The following ITIH2 variants were observed in gnomAD, a reference collection of about 807,000 sequenced individuals.
The protein encoded by ITIH2 is inter-alpha-trypsin inhibitor heavy chain 2.
In ITIH2, 103 loss-of-function variants were observed where a neutral mutation model predicts 104.4. The ratio of observed to expected loss-of-function variants is 0.99; its 90% CI spans 0.84 to 1.16. The LOEUF is 1.16. Ranked by LOEUF, ITIH2 falls within the 50% of genes most tolerant of loss-of-function variation. ITIH2 has a pLI of 0.00. For missense variants in ITIH2, 1,108 were observed against 1,162.4 expected (o/e 0.95, Z 0.68); for synonymous variants, 436 against 435.4 (o/e 1.00, Z -0.02).
At chr10:7,745,897 G>GGT (rs1241307362) in intron 19 of ITIH2, among the ~76,000 whole-genome samples, 18 of 150,952 alleles carry the variant, frequency 1.2e-4, no homozygotes, top group Admixed American at 1.2e-3. Context: ...TGGGATTACA[G>GGT]GCATGCACCA....
chr10:7,710,920 C>CT (rs58634403), intron 4 of ITIH2, among the ~76,000 whole-genome samples: 2,228 of 145,682 alleles, frequency 0.015, 52 homozygotes, highest in African/African-American at 0.049. Flanking sequence ...TGTTTTCCTT[C>CT]TTTTTTTTTT....
At chr10:7,723,049 G>A (rs1368301277) in intron 8 of ITIH2, among the ~76,000 whole-genome samples, 1 of 151,434 alleles carries the variant, frequency 6.6e-6, no homozygotes, top group African/African-American at 2.4e-5. Context: ...GTGAAGTGAA[G>A]TGGCATGGAG....
At chr10:7,741,608 C>T (rs1372113031) in intron 16 of ITIH2, among the ~76,000 whole-genome samples, 3 of 152,188 alleles carry the variant, frequency 2.0e-5, no homozygotes, top group Non-Finnish European at 4.4e-5. Flanking sequence ...ACTGCTTTAG[C>T]CACTGCACAA....
rs372852827 is a variant in ITIH2, at chr10:7,737,735, T to A, written c.1958-886T>A. ...TTATATTCTATATAATATTCTATAT[T>A]ATATTCTATATAATATTCTATATTA... On this transcript the variant is annotated intron_variant, in intron 15 of 20. Transcript: ENST00000358415. Among the ~76,000 whole-genome samples, 22 of 28,760 alleles carry A rather than the reference T, an allele frequency of 7.6e-4. 1 individual carries two copies. The highest frequency in any genetic ancestry group is 2.9e-3 in the African/African-American group (12 of 4,110). 18.9% of individuals were successfully genotyped at this position (28,760 alleles called of 152,430 possible).
chr10:7,732,035 C>A, intron 13 of ITIH2, 39 bp downstream of exon 13: 1 of 1,480,872 alleles, frequency 6.8e-7, no homozygotes. Flanking sequence ...TACTAACTGA[C>A]CCCCTAGATA....
At chr10:7,724,028 A>T (rs1834930258) in intron 9 of ITIH2, among the ~76,000 whole-genome samples, 1 of 152,222 alleles carries the variant, frequency 6.6e-6, no homozygotes, top group African/African-American at 2.4e-5. Context: ...ATTTCTAATT[A>T]TATGGTAATT....
At position 7,732,473 on chromosome 10, in the gene ITIH2, GAAC is replaced by G. The variant is rs1172940647; in HGVS notation, c.1784_1786del (p.Glu595_Arg596delinsGly). On this transcript the variant is annotated inframe_deletion and splice_region_variant, in exon 14 of 21. Transcript: ENST00000358415. ...TCTAACCATCAACCAACTGCTAGCT[GAAC>G]GGTAAGAAGAGAAGAGTACCCACAC... 1 of 1,613,124 alleles carries G rather than the reference GAAC, an allele frequency of 6.2e-7. No individual in the cohort carries two copies. Among genetic ancestry groups the G allele is most frequent in the Non-Finnish European group, 8.5e-7 (1 of 1,179,396 alleles).
At chr10:7,708,561 G>A (rs1834767797) in intron 3 of ITIH2, among the ~76,000 whole-genome samples, 1 of 152,116 alleles carries the variant, frequency 6.6e-6, no homozygotes, top group Non-Finnish European at 1.5e-5. Flanking sequence ...GGGGTTGGTG[G>A]AGGCCATATG....
rs1234279003 is a variant in ITIH2 at position 7,727,948 on chromosome 10, C to A, written c.1279+120C>A. ...CTGAGTTTCTAGAACATTTTAAACCCATGCTTCCTAAAGGAGGTCTTCTGA... is the reference window on the plus strand; with the variant it reads ...CTGAGTTTCTAGAACATTTTAAACCAATGCTTCCTAAAGGAGGTCTTCTGA... On this transcript the variant is annotated intron_variant, in intron 11 of 20. Coordinates refer to ENST00000358415, the MANE Select transcript of ITIH2 (RefSeq NM_002216.3). The A allele has an allele frequency of 4.2e-5, 49 of 1,177,906 alleles. No homozygotes were observed. The Admixed American group carries it at 9.9e-4, about 24-fold the overall frequency. The allele number at this position is 1,177,906 out of a possible 1,614,324, so 73.0% of individuals were successfully genotyped here.
intron 20 of ITIH2, among the ~76,000 whole-genome samples, chr10:7,747,871 C>T (rs1298496707): frequency 6.6e-6 from 1 of 152,034 alleles, no homozygotes; most frequent in Non-Finnish European, 1.5e-5. Context: ...TGCACTCCAG[C>T]TTGGGTAACA....
chr10:7,747,399 A>G (rs1046962930), intron 20 of ITIH2, among the ~76,000 whole-genome samples: 2 of 152,302 alleles, frequency 1.3e-5, no homozygotes, highest in South Asian at 2.1e-4. Context: ...TTGTAACATA[A>G]AATTGTAGTC....
intron 16 of ITIH2, among the ~76,000 whole-genome samples, chr10:7,739,359 A>G (rs1835102595): frequency 6.6e-6 from 1 of 152,180 alleles, no homozygotes. Context: ...CAACATTCAA[A>G]GACAGAGCAC....
At chr10:7,720,545 T>G (rs1208027062) in intron 6 of ITIH2, among the ~76,000 whole-genome samples, 3 of 152,134 alleles carry the variant, frequency 2.0e-5, no homozygotes, top group Non-Finnish European at 4.4e-5. Flanking sequence ...AAGAAGGAAT[T>G]CTTTTTTTCC....
At chr10:7,743,604 C>G (rs1430017814) in intron 17 of ITIH2, among the ~76,000 whole-genome samples, 2 of 151,768 alleles carry the variant, frequency 1.3e-5, no homozygotes, top group Non-Finnish European at 2.9e-5. Flanking sequence ...TGAAACCCCA[C>G]CCCCCACTAC....
chr10:7,714,163 C>CTCTTTT (rs1564298974), intron 5 of ITIH2, among the ~76,000 whole-genome samples: 49 of 125,656 alleles, frequency 3.9e-4, no homozygotes, highest in African/African-American at 1.6e-3. Context: ...TGCACACTCA[C>CTCTTTT]TATTTTTTTT....
intron 8 of ITIH2, among the ~76,000 whole-genome samples, chr10:7,722,604 A>C (rs1419804536): frequency 3.3e-5 from 5 of 152,076 alleles, no homozygotes; most frequent in Non-Finnish European, 5.9e-5. Context: ...CAAATATGCC[A>C]TGTTTTCTCA....
intron 4 of ITIH2, among the ~76,000 whole-genome samples, chr10:7,712,372 A>C (rs1043441967): frequency 2.0e-5 from 3 of 152,150 alleles, no homozygotes; most frequent in Admixed American, 6.5e-5. Flanking sequence ...CCACCTCGTA[A>C]TGTCATCGTC....
At chr10:7,704,545 C>T (rs1564296494) in intron 1 of ITIH2, among the ~76,000 whole-genome samples, 1 of 152,208 alleles carries the variant, frequency 6.6e-6, no homozygotes, top group Non-Finnish European at 1.5e-5. Flanking sequence ...CCCAGACACC[C>T]ACCTAATCAC....
chr10:7,718,856 C>T (rs1031971430), intron 6 of ITIH2, among the ~76,000 whole-genome samples: 1 of 152,146 alleles, frequency 6.6e-6, no homozygotes, highest in Non-Finnish European at 1.5e-5. Context: ...TCCCTGCCAC[C>T]CCAGCCATCA....
Sources: gnomAD v4.1 joint callset for allele counts (sites outside exome capture counted in the v4.1 genomes callset) on GRCh38, gnomAD v4.1.1 for gene constraint, MANE v1.5 for transcripts, NCBI Gene and HGNC (gene_info 2026-07-23, HGNC 2026-07-21) for gene names.